Variants in DENND1A observed in about 807,000 individuals in gnomAD.
DENND1A encodes DENN domain containing 1A.
A neutral mutation model predicts 113.7 loss-of-function variants in DENND1A; 51 were observed. The observed-to-expected ratio is 0.45, with a 90% CI of 0.36 to 0.57. The LOEUF (loss-of-function observed/expected upper bound fraction) is 0.57, where lower values mean the gene tolerates loss of function less well. DENND1A is among the 20% of genes least tolerant of loss of function. DENND1A has a pLI of 0.00. For missense variants in DENND1A, 1,258 were observed against 1,395.9 expected (o/e 0.90, Z 1.57); for synonymous variants, 565 against 570.8 (o/e 0.99, Z 0.14).
intron 2 of DENND1A, among the ~76,000 whole-genome samples, chr9:123,850,822 T>C (rs1843237442): frequency 6.6e-6 from 1 of 152,132 alleles, no homozygotes; most frequent in African/African-American, 2.4e-5. Context: ...TAGCCACCAT[T>C]ATTTTCAGTG....
chr9:123,457,792 C>A lies in DENND1A; in HGVS notation c.1098+1G>T. 6.2e-7 allele frequency: 1 copy of A among 1,606,776 alleles called. No homozygotes were observed. Among genetic ancestry groups the A allele is most frequent in the Non-Finnish European group, 8.5e-7 (1 of 1,176,690 alleles). ...CCAGGCCAGACCAGGGAGGGAGGCA[C>A]CTGCTTGAAGAGCTGCAGCTGTGTG... On this transcript the variant is annotated splice_donor_variant, in intron 14 of 23. Coordinates refer to ENST00000394215, the MANE Select transcript of DENND1A (RefSeq NM_001352964.2). LOFTEE classifies it high-confidence loss of function.
intron 2 of DENND1A, among the ~76,000 whole-genome samples, chr9:123,864,807 A>G (rs1255877744): frequency 1.3e-5 from 2 of 152,176 alleles, no homozygotes; most frequent in African/African-American, 4.8e-5. Flanking sequence ...TGTGGAGATG[A>G]ATCAAAATAT....
At chr9:123,420,096 C>T (rs911672773) in intron 19 of DENND1A, among the ~76,000 whole-genome samples, 4 of 152,200 alleles carry the variant, frequency 2.6e-5, no homozygotes, top group Non-Finnish European at 5.9e-5. Flanking sequence ...ACAGGAAGGA[C>T]TTCCACGTCA....
In DENND1A at chr9:123,540,543, T is replaced by C. The variant is rs1470526425; in HGVS notation, c.993+17027A>G. Among the ~76,000 whole-genome samples the C allele has an allele frequency of 2.6e-5, 4 of 152,138 alleles. No individual in the cohort carries two copies. The East Asian group carries it at 7.7e-4, about 29-fold the overall frequency. On this transcript the variant is annotated intron_variant, in intron 13 of 23. Coordinates refer to ENST00000394215, the MANE Select transcript of DENND1A (RefSeq NM_001352964.2). ...AAGCCACTCCCTGGAGCATCACTTTTTGGAAGAAGAGAAAAAAGAAGTGAT... is the reference window on the plus strand; with the variant it reads ...AAGCCACTCCCTGGAGCATCACTTTCTGGAAGAAGAGAAAAAAGAAGTGAT...
intron 9 of DENND1A, among the ~76,000 whole-genome samples, chr9:123,645,962 C>T (rs772736908): frequency 2.6e-4 from 39 of 152,310 alleles, no homozygotes; most frequent in Non-Finnish European, 3.7e-4. Flanking sequence ...CCCGCTTATC[C>T]GGTTGTCTTC....
chr9:123,566,942 A>ACACACACAC (rs1554883243), intron 12 of DENND1A, among the ~76,000 whole-genome samples: 22 of 73,058 alleles, frequency 3.0e-4, no homozygotes, highest in African/African-American at 5.3e-4. Flanking sequence ...CACACACACA[A>ACACACACAC]ACACACACAC....
At chr9:123,407,692 G>A (rs2043987323) in intron 20 of DENND1A, among the ~76,000 whole-genome samples, 1 of 152,158 alleles carries the variant, frequency 6.6e-6, no homozygotes, top group South Asian at 2.1e-4. Flanking sequence ...CGCGTCCGGG[G>A]AGAAAATGCT....
At chr9:123,779,158 G>T (rs747599452) in intron 3 of DENND1A, among the ~76,000 whole-genome samples, 1 of 152,062 alleles carries the variant, frequency 6.6e-6, no homozygotes, top group South Asian at 2.1e-4. Flanking sequence ...TTTGGGGTTT[G>T]TTTGGCTTAG....
At chr9:123,835,094 T>C (rs756160461) in intron 2 of DENND1A, among the ~76,000 whole-genome samples, 3 of 143,748 alleles carry the variant, frequency 2.1e-5, no homozygotes, top group African/African-American at 2.6e-5. Context: ...CCCTCTAAAA[T>C]AACTTGCTTT....
intron 13 of DENND1A, among the ~76,000 whole-genome samples, chr9:123,526,698 G>C (rs1195216614): frequency 1.3e-5 from 2 of 152,260 alleles, no homozygotes; most frequent in East Asian, 3.9e-4. Context: ...GCATCCCTTG[G>C]CGTTGGCATG....
rs1045321351 is a variant in DENND1A, at chr9:123,381,906, G to A, written c.2739C>T (p.Ala913=). ...AAGCTGGAGGGGCCCCGAAAGGCCC[G>A]GCTGGTGTGGAGACCAGGGGCAGGG... The part of the protein sequence containing the change: ...PPTLPLVSTP[A]GPFGAPPASL... The change falls in exon 24 of 24, where the codon GCC becomes GCT. Residue 913 remains alanine, a synonymous_variant. Transcript: ENST00000394215. The surrounding 1 kb of genome is among the most constrained non-coding windows in gnomAD (Gnocchi z 4.7). The A allele has an allele frequency of 2.3e-5, 33 of 1,454,976 alleles. No homozygotes were observed. The highest frequency in any genetic ancestry group is 2.9e-5 in the Non-Finnish European group (32 of 1,102,752). 90.1% of individuals were successfully genotyped at this position (1,454,976 alleles called of 1,614,324 possible). A position where few individuals can be genotyped will look rare whatever the true frequency, so the allele number is the denominator to read the frequency against.
intron 10 of DENND1A, among the ~76,000 whole-genome samples, chr9:123,620,239 G>GAAAAAAAAAA (rs1683947175): frequency 9.4e-6 from 1 of 106,644 alleles, no homozygotes; most frequent in African/African-American, 3.9e-5. Flanking sequence ...AAAAAAAAAA[G>GAAAAAAAAAA]AAAAGAAAAA....
intron 22 of DENND1A, among the ~76,000 whole-genome samples, chr9:123,386,814 G>C (rs963791421): frequency 6.6e-6 from 1 of 152,198 alleles, no homozygotes; most frequent in Non-Finnish European, 1.5e-5. Context: ...AGCAGCCTGG[G>C]GTTTATAAGG....
intron 2 of DENND1A, among the ~76,000 whole-genome samples, chr9:123,872,932 G>A (rs1026863117): frequency 6.6e-6 from 1 of 152,070 alleles, no homozygotes; most frequent in Non-Finnish European, 1.5e-5. Flanking sequence ...CCCTCTAGGG[G>A]GATGCAAACA....
chr9:123,708,310 G>A (rs7855818), intron 5 of DENND1A, among the ~76,000 whole-genome samples: 16,587 of 152,060 alleles, frequency 0.11, 1,242 homozygotes, highest in African/African-American at 0.2. Flanking sequence ...AAGAATATAT[G>A]TAATAATTAT....
At chr9:123,397,862 C>A (rs1214708946) in intron 21 of DENND1A, among the ~76,000 whole-genome samples, 1 of 152,204 alleles carries the variant, frequency 6.6e-6, no homozygotes, top group African/African-American at 2.4e-5. Context: ...AGCTGGGCAG[C>A]AGCCCTGGGC....
At chr9:123,572,778 G>C (rs1162846686) in intron 12 of DENND1A, among the ~76,000 whole-genome samples, 2 of 151,812 alleles carry the variant, frequency 1.3e-5, no homozygotes, top group Non-Finnish European at 2.9e-5. Flanking sequence ...ATGCTTTTGG[G>C]GAGCATAAGT....
At chr9:123,804,809 T>G (rs1835265705) in intron 2 of DENND1A, among the ~76,000 whole-genome samples, 1 of 152,210 alleles carries the variant, frequency 6.6e-6, no homozygotes, top group Non-Finnish European at 1.5e-5. Flanking sequence ...CACCATCATT[T>G]TCCACCTGGA....
chr9:123,389,229 G>C (rs1264525481), intron 21 of DENND1A, among the ~76,000 whole-genome samples: 1 of 152,244 alleles, frequency 6.6e-6, no homozygotes, highest in Admixed American at 6.5e-5. Flanking sequence ...TTGCACATCA[G>C]AACGCTCACT....
Sources: gnomAD v4.1 joint callset for allele counts (sites outside exome capture counted in the v4.1 genomes callset) on GRCh38, gnomAD v4.1.1 for gene constraint, Gnocchi (gnomAD v3.1) non-coding constraint, MANE v1.5 for transcripts, NCBI Gene and HGNC (gene_info 2026-07-23, HGNC 2026-07-21) for gene names.